EHBP1: variants seen among roughly 807,000 people sequenced by gnomAD.
EHBP1 encodes the protein EH domain binding protein 1.
A neutral mutation model predicts 144.0 loss-of-function variants in EHBP1; 55 were observed. That is an observed-to-expected ratio of 0.38 (90% confidence interval 0.31 to 0.48). EHBP1 has a LOEUF of 0.48. Among genes scored for constraint, EHBP1 ranks in the 20% least tolerant of loss-of-function variants. The pLI, the probability that EHBP1 is intolerant of heterozygous loss-of-function variation, is 0.98. For synonymous variants in EHBP1, 469 were observed against 472.7 expected (o/e 0.99, Z 0.10); for missense variants, 1,200 against 1,364.2 (o/e 0.88, Z 1.90).
intron 1 of EHBP1, among the ~76,000 whole-genome samples, chr2:62,689,374 G>T (rs986493489): frequency 2.6e-5 from 4 of 152,246 alleles, no homozygotes; most frequent in Non-Finnish European, 5.9e-5. Context: ...TTGGTGTGGT[G>T]GCTCACGCCT....
chr2:62,755,640 G>A (rs895580100), intron 3 of EHBP1, among the ~76,000 whole-genome samples: 4 of 152,236 alleles, frequency 2.6e-5, no homozygotes, highest in East Asian at 1.9e-4. Context: ...CATCTTTAAA[G>A]CATATGTTTA....
At chr2:62,752,675 C>T (rs1365898663) in intron 3 of EHBP1, among the ~76,000 whole-genome samples, 1 of 152,160 alleles carries the variant, frequency 6.6e-6, no homozygotes. Context: ...GTACTGGGTG[C>T]ATATATATTT....
intron 5 of EHBP1, among the ~76,000 whole-genome samples, chr2:62,782,889 T>C (rs781517572): frequency 6.6e-6 from 1 of 151,630 alleles, no homozygotes; most frequent in Non-Finnish European, 1.5e-5. Context: ...CTTAACTCAT[T>C]CCAGCATTAA....
rs115070042 is a variant in EHBP1, at chr2:62,797,769, T to C, written c.312+26377T>C. ...ACTGTTGATAGGATTTGAATTCCTA[T>C]AGCTATCTATGCCTTGATAAACTTA... On this transcript the variant is annotated intron_variant, in intron 5 of 22. Coordinates refer to ENST00000431489, the MANE Select transcript of EHBP1 (RefSeq NM_001142616.3). 4.8e-3 allele frequency among the ~76,000 whole-genome samples: 731 copies of C among 152,346 alleles called. 4 individuals carry two copies. The highest frequency in any genetic ancestry group is 0.017 in the African/African-American group (698 of 41,580).
chr2:62,735,640 C>T (rs1325497685), intron 2 of EHBP1, among the ~76,000 whole-genome samples: 1 of 152,142 alleles, frequency 6.6e-6, no homozygotes, highest in Non-Finnish European at 1.5e-5. Flanking sequence ...TATGTAGATT[C>T]GAGTTTCTGA....
intron 15 of EHBP1, among the ~76,000 whole-genome samples, chr2:62,986,436 TTTTTTCC>T (rs2059191757): frequency 6.6e-6 from 1 of 151,248 alleles, no homozygotes; most frequent in Admixed American, 6.6e-5. Context: ...ATCTTGTTTC[TTTTTTCC>T]TTTTTTTTTT....
intron 7 of EHBP1, among the ~76,000 whole-genome samples, chr2:62,848,471 A>G (rs2048452616): frequency 6.6e-6 from 1 of 152,220 alleles, no homozygotes; most frequent in South Asian, 2.1e-4. Flanking sequence ...GTCTCCAAAA[A>G]GATTTGCACA....
At chr2:62,932,209 A>C in intron 10 of EHBP1, among the ~76,000 whole-genome samples, 1 of 151,866 alleles carries the variant, frequency 6.6e-6, no homozygotes, top group Non-Finnish European at 1.5e-5. Context: ...TCCCACAGAG[A>C]AGAGAAGACT....
chr2:62,705,765 G>A lies in EHBP1; in HGVS notation c.-583G>A, dbSNP rs1246754367. The A allele has an allele frequency of 6.6e-6, 1 of 152,046 alleles. No homozygotes were observed. The highest frequency in any genetic ancestry group is 1.5e-5 in the Non-Finnish European group (1 of 68,428). 9.4% of individuals were successfully genotyped at this position (152,046 alleles called of 1,614,324 possible). A position where few individuals can be genotyped will look rare whatever the true frequency, so the allele number is the denominator to read the frequency against. ...ATGATGATGGTGGCGGAGGAGAAAG[G>A]CGGGGGAGGGGGTGCTGGGCGCTGA... On this transcript the variant is annotated 5_prime_UTR_variant, in exon 1 of 23. Coordinates refer to ENST00000431489, the MANE Select transcript of EHBP1 (RefSeq NM_001142616.3).
At chr2:62,978,049 C>T (rs375034280) in intron 14 of EHBP1, among the ~76,000 whole-genome samples, 3 of 152,084 alleles carry the variant, frequency 2.0e-5, no homozygotes, top group Non-Finnish European at 4.4e-5. Flanking sequence ...TATGGAGGTT[C>T]GGAGATGTTA....
chr2:62,874,512 G>T lies in EHBP1; in HGVS notation c.1165G>T (p.Asp389Tyr), dbSNP rs1261952385. ...TGAAAACACAGTTTCTGCAGGAAAA[G>T]ATCTCTCTACTTCTCCTAAGGTAGG... is the stretch of plus-strand genomic sequence containing the variant. ...LNENTVSAGK[D>Y]LSTSPKPSPI... Residue 389 changes from aspartate (D) to tyrosine (Y), a missense_variant, in exon 10 of 23, where the codon GAT becomes TAT. Transcript: ENST00000431489. The T allele has an allele frequency of 1.9e-6, 3 of 1,604,148 alleles. No homozygotes were observed. The highest frequency in any genetic ancestry group is 2.7e-5 in the African/African-American group (2 of 74,454).
At chr2:62,892,009 T>C (rs2052499364) in intron 10 of EHBP1, among the ~76,000 whole-genome samples, 3 of 152,182 alleles carry the variant, frequency 2.0e-5, no homozygotes, top group South Asian at 4.1e-4. Flanking sequence ...TATTACTGTA[T>C]AGTAAAATAT....
chr2:62,950,076 A>C (rs1346502545), intron 13 of EHBP1, among the ~76,000 whole-genome samples: 1 of 152,118 alleles, frequency 6.6e-6, no homozygotes, highest in African/African-American at 2.4e-5. Flanking sequence ...AAAGTTTTTC[A>C]CATTTAGAAT....
chr2:62,943,769 T>C, intron 11 of EHBP1, 33 bp from the exon 12 acceptor site: 1 of 1,504,628 alleles, frequency 6.6e-7, no homozygotes, highest in Non-Finnish European at 9.1e-7. Context: ...TATCAAATAC[T>C]ATATGTACCC....
At chr2:62,969,023 T>A (rs1369327305) in intron 14 of EHBP1, among the ~76,000 whole-genome samples, 1 of 152,224 alleles carries the variant, frequency 6.6e-6, no homozygotes, top group African/African-American at 2.4e-5. Context: ...TCTTTTATTC[T>A]TATAATTTTT....
At chr2:63,009,282 G>A (rs576522047) in intron 19 of EHBP1, among the ~76,000 whole-genome samples, 4 of 151,748 alleles carry the variant, frequency 2.6e-5, no homozygotes, top group Admixed American at 2.0e-4. Context: ...ATAGTGGAAT[G>A]TCTGATCATT....
intron 10 of EHBP1, among the ~76,000 whole-genome samples, chr2:62,888,998 A>G (rs1259222181): frequency 2.0e-5 from 3 of 146,650 alleles, no homozygotes; most frequent in Non-Finnish European, 4.5e-5. Context: ...CAAACTTGGC[A>G]CTTAAACAAA....
At chr2:62,913,735 A>G (rs1181380062) in intron 10 of EHBP1, among the ~76,000 whole-genome samples, 1 of 152,194 alleles carries the variant, frequency 6.6e-6, no homozygotes, top group African/African-American at 2.4e-5. Context: ...ATTTCTTTAA[A>G]AACACTTTTA....
chr2:62,794,640 C>G (rs1323591068), intron 5 of EHBP1, among the ~76,000 whole-genome samples: 1 of 151,832 alleles, frequency 6.6e-6, no homozygotes, highest in Non-Finnish European at 1.5e-5. Flanking sequence ...AAAAAAGTCT[C>G]TATATTTAAA....
Sources: allele counts gnomAD v4.1 joint callset (sites outside exome capture counted in the v4.1 genomes callset), GRCh38; gene constraint gnomAD v4.1.1; transcripts MANE v1.5; gene names NCBI Gene and HGNC (gene_info 2026-07-23, HGNC 2026-07-21).